The following TMEM232 variants were observed in gnomAD, a reference collection of about 807,000 sequenced individuals.
TMEM232 encodes the protein transmembrane protein 232.
A neutral mutation model predicts 78.8 loss-of-function variants in TMEM232; 80 were observed. The observed-to-expected ratio is 1.01, with a 90% confidence interval of 0.85 to 1.22. The LOEUF is 1.22. Ranked by LOEUF, TMEM232 falls within the 50% of genes most tolerant of loss-of-function variation. The pLI, the probability that TMEM232 is intolerant of heterozygous loss-of-function variation, is 0.00. For synonymous variants in TMEM232, 297 were observed against 254.3 expected, an observed-to-expected ratio of 1.17 and a Z score of -1.60; for missense variants, 881 against 742.2, an observed-to-expected ratio of 1.19 and a Z score of -2.17.
chr5:110,693,812 C>T (rs987992214), intron 1 of TMEM232, among the ~76,000 whole-genome samples: 14 of 151,996 alleles, frequency 9.2e-5, no homozygotes, highest in African/African-American at 3.4e-4. Flanking sequence ...TGTGAAAAGA[C>T]CAAATCTACG....
rs552099839 is a variant in TMEM232, at chr5:110,568,716, T to C, written c.1277-91A>G. On this transcript the variant is annotated intron_variant, in intron 10 of 13. Transcript: ENST00000455884. ...GAAACAGAATAAACCAATTTTACTA[T>C]AATTCATAATAATATTCTAAAGTCT... 3.6e-5 allele frequency: 44 copies of C among 1,208,280 alleles called. 2 individuals are homozygous for C. The highest frequency in any genetic ancestry group is 3.6e-4 in the South Asian group (23 of 64,526). The allele number at this position is 1,208,280 out of a possible 1,614,324, so 74.8% of individuals were successfully genotyped here. A position where few individuals can be genotyped will look rare whatever the true frequency, so the allele number is the denominator to read the frequency against.
At chr5:110,418,722 A>C (rs1317473682), downstream of TMEM232, among the ~76,000 whole-genome samples, 1 of 152,190 alleles carries the variant, frequency 6.6e-6, no homozygotes, top group Non-Finnish European at 1.5e-5. Flanking sequence ...GAAATACGCT[A>C]ATCAGAGCAA....
chr5:110,492,681 G>A lies in TMEM232; in HGVS notation c.1703+35907C>T, dbSNP rs1220346792. On this transcript the variant is annotated intron_variant, in intron 12 of 13. Transcript: ENST00000455884. ...ATATGTGGTGAGTCAAGAAAAACAT[G>A]CTCTAAATATTTGAAAGGAAGAATA... Among the ~76,000 whole-genome samples, 6 of 151,802 alleles carry A rather than the reference G, an allele frequency of 4.0e-5. 1 individual carries two copies. In the East Asian group the frequency reaches 7.7e-4, roughly 20 times the overall value.
chr5:110,692,086 A>C (rs2150229189), intron 1 of TMEM232, among the ~76,000 whole-genome samples: 1 of 152,050 alleles, frequency 6.6e-6, no homozygotes, highest in East Asian at 2.0e-4. Context: ...ACGCTCGGCT[A>C]ATTTTTTTGT....
At chr5:110,534,594 T>A (rs905291305) in intron 11 of TMEM232, among the ~76,000 whole-genome samples, 20 of 152,278 alleles carry the variant, frequency 1.3e-4, no homozygotes, top group African/African-American at 3.4e-4. Flanking sequence ...CTAGTCATAC[T>A]CCTATTCACC....
chr5:110,426,816 T>C (rs972639028), intron 12 of TMEM232, among the ~76,000 whole-genome samples: 22 of 152,022 alleles, frequency 1.4e-4, no homozygotes, highest in Non-Finnish European at 3.2e-4. Flanking sequence ...CAGTGAAATT[T>C]GGGCAGTTTT....
At chr5:110,460,670 C>CTT (rs34537993) in intron 12 of TMEM232, among the ~76,000 whole-genome samples, 485 of 139,094 alleles carry the variant, frequency 3.5e-3, no homozygotes, top group African/African-American at 0.011. Flanking sequence ...TTGCATTTTT[C>CTT]TTTTTTTTTT....
chr5:110,524,345 GAGAA>G lies in TMEM232; in HGVS notation c.1703+4239_1703+4242del, dbSNP rs1446102252. Among the ~76,000 whole-genome samples the G allele has an allele frequency of 2.6e-3, 280 of 107,070 alleles. 1 individual carries two copies. The highest frequency in any genetic ancestry group is 3.6e-3 in the Non-Finnish European group (188 of 51,708). 70.2% of individuals were successfully genotyped at this position (107,070 alleles called of 152,430 possible). A position where few individuals can be genotyped will look rare whatever the true frequency, so the allele number is the denominator to read the frequency against. Reference sequence around the variant, plus strand: ...GAAGGAAGGGAGAGAGAAAAAGAAAGAGAAAGAAAGAAAGAAAAAAAGAAAGAAA... The same window carrying G: ...GAAGGAAGGGAGAGAGAAAAAGAAAGAGAAAGAAAGAAAAAAAGAAAGAAA... On this transcript the variant is annotated intron_variant, in intron 12 of 13. Transcript: ENST00000455884.
At chr5:110,554,915 A>T (rs774187590) in intron 11 of TMEM232, among the ~76,000 whole-genome samples, 3 of 152,006 alleles carry the variant, frequency 2.0e-5, no homozygotes, top group Non-Finnish European at 4.4e-5. Flanking sequence ...GAATTTATCT[A>T]TTCCTTCTAG....
intron 1 of TMEM232, among the ~76,000 whole-genome samples, chr5:110,696,357 A>G (rs1464848600): frequency 7.9e-5 from 12 of 152,128 alleles, no homozygotes; most frequent in African/African-American, 2.2e-4. Flanking sequence ...TACTGAATGG[A>G]CAAAAACTGG....
chr5:110,591,724 G>A (rs538266864), intron 10 of TMEM232, among the ~76,000 whole-genome samples: 2 of 152,130 alleles, frequency 1.3e-5, no homozygotes, highest in East Asian at 3.9e-4. Flanking sequence ...TGATATTCAA[G>A]TGACAAAATT....
intron 2 of TMEM232, among the ~76,000 whole-genome samples, chr5:110,409,083 C>T (rs903667545): frequency 2.0e-5 from 3 of 152,172 alleles, no homozygotes; most frequent in Non-Finnish European, 4.4e-5. Flanking sequence ...TGTTACACAG[C>T]TTCATCTATT....
chr5:110,698,373 C>T (rs1433885024), intron 1 of TMEM232, among the ~76,000 whole-genome samples: 1 of 151,894 alleles, frequency 6.6e-6, no homozygotes, highest in Non-Finnish European at 1.5e-5. Context: ...CAACATGGCA[C>T]ATGTATATAT....
chr5:110,410,115 A>C (rs1441841446), intron 2 of TMEM232, among the ~76,000 whole-genome samples: 1 of 152,174 alleles, frequency 6.6e-6, no homozygotes, highest in Non-Finnish European at 1.5e-5. Context: ...CTGGTGGGAG[A>C]AAGGAGGTAG....
intron 12 of TMEM232, among the ~76,000 whole-genome samples, chr5:110,514,180 T>C (rs773774961): frequency 1.3e-5 from 2 of 152,144 alleles, no homozygotes; most frequent in African/African-American, 2.4e-5. Flanking sequence ...CTTATCACCA[T>C]ACCCCCGAAA....
At chr5:110,518,636 C>T (rs377059474) in intron 12 of TMEM232, among the ~76,000 whole-genome samples, 3 of 152,016 alleles carry the variant, frequency 2.0e-5, no homozygotes, top group Non-Finnish European at 4.4e-5. Flanking sequence ...ATGCTTAAAA[C>T]GATTTCAAAA....
intron 12 of TMEM232, among the ~76,000 whole-genome samples, chr5:110,499,939 C>T (rs943714610): frequency 1.3e-5 from 2 of 152,064 alleles, no homozygotes; most frequent in Non-Finnish European, 2.9e-5. Flanking sequence ...AATGCATAGC[C>T]TTTGCAAAGT....
At chr5:110,653,374 C>A (rs1485928769) in intron 2 of TMEM232, among the ~76,000 whole-genome samples, 1 of 152,156 alleles carries the variant, frequency 6.6e-6, no homozygotes, top group Non-Finnish European at 1.5e-5. Context: ...AGCCACACAG[C>A]CTAGTTCCTG....
intron 10 of TMEM232, among the ~76,000 whole-genome samples, chr5:110,581,432 A>G (rs73222685): frequency 0.045 from 6,827 of 152,048 alleles, 550 homozygotes; most frequent in African/African-American, 0.16. Flanking sequence ...TCTCTATTCA[A>G]TAAGTGGTGC....
Sources: allele counts gnomAD v4.1 joint callset (sites outside exome capture counted in the v4.1 genomes callset), GRCh38; gene constraint gnomAD v4.1.1; transcripts MANE v1.5; gene names NCBI Gene and HGNC (gene_info 2026-07-23, HGNC 2026-07-21).